ZNF254: variants seen among roughly 807,000 people sequenced by gnomAD.
The protein encoded by ZNF254 is zinc finger protein 254.
A neutral mutation model predicts 12.4 loss-of-function variants in ZNF254; 10 were observed. The observed-to-expected ratio is 0.80, with a 90% confidence interval of 0.50 to 1.36. The LOEUF is 1.36. Ranked by LOEUF, ZNF254 falls within the 40% of genes most tolerant of loss-of-function variation. The probability of loss-of-function intolerance (pLI) is 0.00; values close to 1 mark genes in which losing one functional copy is unlikely to be tolerated. For missense variants in ZNF254, 996 were observed against 763.9 expected (o/e 1.30, Z -3.58); for synonymous variants, 305 against 253.4 (o/e 1.20, Z -1.93).
At chr19:24,077,081 TA>T (rs1300961251) in intron 2 of ZNF254, among the ~76,000 whole-genome samples, 3 of 152,208 alleles carry the variant, frequency 2.0e-5, no homozygotes, top group African/African-American at 4.8e-5. Context: ...TTGTTAATTT[TA>T]AAATGCAGAT....
At chr19:24,087,160 A>T, upstream of ZNF254, 1 of 1,027,002 alleles carries the variant, frequency 9.7e-7, no homozygotes, top group South Asian at 1.3e-5. Context: ...GCTGGACTGG[A>T]CAAAGCGGCT....
rs982905459 is a variant in ZNF254, at chr19:24,102,464, A to C, written c.31-3476A>C. Among the ~76,000 whole-genome samples, 3 of 151,890 alleles carry C rather than the reference A, an allele frequency of 2.0e-5. 1 individual carries two copies. Among genetic ancestry groups the C allele is most frequent in the African/African-American group, 7.2e-5 (3 of 41,468 alleles). Reference sequence around the variant, plus strand: ...AATACTCCCCAGTGGTGTAAAGAACAGAATTTTACATCAACTCTACACCCT... The same window carrying C: ...AATACTCCCCAGTGGTGTAAAGAACCGAATTTTACATCAACTCTACACCCT... On this transcript the variant is annotated intron_variant, in intron 1 of 3. Transcript: ENST00000357002.
At chr19:24,104,234 G>C (rs1208623412) in intron 1 of ZNF254, 3 of 152,214 alleles carry the variant, frequency 2.0e-5, no homozygotes, top group Non-Finnish European at 4.4e-5. Context: ...CTGTGGAGCA[G>C]CTCATTGTTC....
intron 1 of ZNF254, among the ~76,000 whole-genome samples, chr19:24,036,223 C>T (rs946398509): frequency 5.4e-5 from 8 of 147,152 alleles, no homozygotes; most frequent in Admixed American, 1.4e-4. Flanking sequence ...CCACCATGCT[C>T]GGCTAAATTT....
chr19:24,093,795 A>C (rs2145699061), intron 1 of ZNF254, among the ~76,000 whole-genome samples: 1 of 152,146 alleles, frequency 6.6e-6, no homozygotes, highest in South Asian at 2.1e-4. Context: ...TGAATTTTAC[A>C]ATAATTTTTT....
intron 3 of ZNF254, among the ~76,000 whole-genome samples, chr19:24,124,907 C>A (rs1974725938): frequency 6.6e-6 from 1 of 152,116 alleles, no homozygotes. Context: ...GCCTCAGCCT[C>A]CTGAGTAGCT....
At chr19:24,050,186 A>G (rs975216660) in intron 2 of ZNF254, among the ~76,000 whole-genome samples, 10 of 151,898 alleles carry the variant, frequency 6.6e-5, no homozygotes, top group Non-Finnish European at 1.3e-4. Context: ...TTGAGACAGA[A>G]TCTCACTCTG....
intron 3 of ZNF254, among the ~76,000 whole-genome samples, chr19:24,113,265 C>T (rs368542243): frequency 4.6e-5 from 7 of 152,162 alleles, no homozygotes; most frequent in African/African-American, 7.2e-5. Context: ...TGATGAACAT[C>T]GATGCAAAAA....
At chr19:24,102,916 G>A (rs1229896650) in intron 1 of ZNF254, among the ~76,000 whole-genome samples, 1 of 152,064 alleles carries the variant, frequency 6.6e-6, no homozygotes, top group Non-Finnish European at 1.5e-5. Context: ...AAACAGAAGA[G>A]GAAATAAAAA....
chr19:24,061,289 C>A (rs1177061849), intron 2 of ZNF254, among the ~76,000 whole-genome samples: 3 of 152,176 alleles, frequency 2.0e-5, no homozygotes, highest in Non-Finnish European at 4.4e-5. Context: ...TGTGACATAT[C>A]ACTGGAACCA....
chr19:24,098,517 T>C (rs1972803644), intron 1 of ZNF254: 1 of 152,236 alleles, frequency 6.6e-6, no homozygotes, highest in Non-Finnish European at 1.5e-5. Context: ...TAAAAACTTT[T>C]AAAATTCCAA....
intron 2 of ZNF254, among the ~76,000 whole-genome samples, chr19:24,069,079 T>G (rs1971386059): frequency 6.6e-6 from 1 of 151,978 alleles, no homozygotes; most frequent in African/African-American, 2.4e-5. Flanking sequence ...TGATCTCAGC[T>G]CACTGTAACC....
At chr19:24,115,563 T>A (rs1452338213) in intron 3 of ZNF254, among the ~76,000 whole-genome samples, 1 of 151,594 alleles carries the variant, frequency 6.6e-6, no homozygotes, top group Non-Finnish European at 1.5e-5. Context: ...TTGGGAGATA[T>A]ACCTAGTGCT....
At chr19:24,065,119 C>T (rs1971222980) in intron 2 of ZNF254, among the ~76,000 whole-genome samples, 1 of 152,176 alleles carries the variant, frequency 6.6e-6, no homozygotes, top group African/African-American at 2.4e-5. Context: ...GAGCCCCTCC[C>T]ACAGAGGGCC....
chr19:24,062,843 G>T (rs62114828), intron 2 of ZNF254, among the ~76,000 whole-genome samples: 22,604 of 152,104 alleles, frequency 0.15, 1,940 homozygotes, highest in Middle Eastern at 0.23. Context: ...TCTTGTTACC[G>T]AGGCTGGAGA....
At chr19:24,083,615 G>A (rs962063122), upstream of ZNF254, among the ~76,000 whole-genome samples, 4 of 152,114 alleles carry the variant, frequency 2.6e-5, no homozygotes, top group Non-Finnish European at 5.9e-5. Flanking sequence ...ATTGGCTTTG[G>A]CAAAGCGTAG....
chr19:24,117,354 G>C (rs546414960), intron 3 of ZNF254, among the ~76,000 whole-genome samples: 3 of 152,288 alleles, frequency 2.0e-5, no homozygotes, highest in East Asian at 3.9e-4. Context: ...CACCCAGTTT[G>C]AGCTTCCCGG....
intron 1 of ZNF254, among the ~76,000 whole-genome samples, chr19:24,044,452 G>A (rs1970299196): frequency 6.7e-6 from 1 of 150,196 alleles, no homozygotes; most frequent in Non-Finnish European, 1.5e-5. Flanking sequence ...GCAAGAAAAT[G>A]GCATGAACCC....
At chr19:24,050,627 G>C (rs11882379) in intron 2 of ZNF254, among the ~76,000 whole-genome samples, 24,254 of 152,216 alleles carry the variant, frequency 0.16, 2,105 homozygotes, top group Middle Eastern at 0.23. Context: ...CTGCTGACTC[G>C]CAGAAGTCAC....
Sources: allele counts gnomAD v4.1 joint callset (sites outside exome capture counted in the v4.1 genomes callset), GRCh38; gene constraint gnomAD v4.1.1; transcripts MANE v1.5; gene names NCBI Gene and HGNC (gene_info 2026-07-23, HGNC 2026-07-21).